COL14A1: variants seen among roughly 807,000 people sequenced by gnomAD.
COL14A1 encodes the protein collagen type XIV alpha 1 chain.
In COL14A1, 136 loss-of-function variants were observed where a neutral mutation model predicts 230.3. The ratio of observed to expected loss-of-function variants is 0.59; its 90% CI spans 0.51 to 0.68. The LOEUF (loss-of-function observed/expected upper bound fraction) is 0.68. Ranked by LOEUF, COL14A1 falls within the 30% of genes least tolerant of loss-of-function variation. COL14A1 has a pLI of 0.00. For synonymous variants in COL14A1, 792 were observed against 784.1 expected, an observed-to-expected ratio of 1.01 and a Z score of -0.17; for missense variants, 1,976 against 2,215.8, an observed-to-expected ratio of 0.89 and a Z score of 2.17.
At chr8:120,131,392 T>G (rs1480573865) in intron 1 of COL14A1, among the ~76,000 whole-genome samples, 1 of 151,366 alleles carries the variant, frequency 6.6e-6, no homozygotes, top group Non-Finnish European at 1.5e-5. Context: ...GACTTTTTAA[T>G]GATAGCCATT....
chr8:120,227,639 C>T (rs951918187), intron 17 of COL14A1, among the ~76,000 whole-genome samples: 3 of 152,016 alleles, frequency 2.0e-5, no homozygotes, highest in Admixed American at 2.0e-4. Flanking sequence ...AGAGTAAACA[C>T]CCATCAAATG....
intron 40 of COL14A1, among the ~76,000 whole-genome samples, chr8:120,321,751 G>A (rs767543194): frequency 2.6e-4 from 39 of 152,032 alleles, no homozygotes; most frequent in Non-Finnish European, 4.6e-4. Flanking sequence ...CTTCAGCGTC[G>A]GCACTTGCAT....
intron 45 of COL14A1, among the ~76,000 whole-genome samples, chr8:120,365,507 G>GTAA (rs1823380318): frequency 1.3e-5 from 2 of 152,328 alleles, no homozygotes; most frequent in South Asian, 4.1e-4. Context: ...ACTGACAAGT[G>GTAA]AAGTAGTGCC....
chr8:120,238,957 A>G lies in COL14A1; in HGVS notation c.2350-4922A>G, dbSNP rs191578256. On this transcript the variant is annotated intron_variant, in intron 19 of 47. Coordinates refer to ENST00000297848, the MANE Select transcript of COL14A1 (RefSeq NM_021110.4). Reference sequence around the variant, plus strand: ...TGCACCCACTGTCTAACCAGTCCCAATGAGATGAACCCGGTACCTCAGTTG... The same window carrying G: ...TGCACCCACTGTCTAACCAGTCCCAGTGAGATGAACCCGGTACCTCAGTTG... Among the ~76,000 whole-genome samples the G allele has an allele frequency of 9.1e-4, 138 of 152,246 alleles. 1 individual carries two copies. Among genetic ancestry groups the G allele is most frequent in the Non-Finnish European group, 7.9e-4 (54 of 68,012 alleles).
chr8:120,196,910 A>G lies in COL14A1; in HGVS notation c.556A>G (p.Thr186Ala). The G allele has an allele frequency of 6.2e-7, 1 of 1,614,086 alleles. No individual in the cohort carries two copies. The highest frequency in any genetic ancestry group is 8.5e-7 in the Non-Finnish European group (1 of 1,179,984). Residue 186 changes from threonine (T) to alanine (A), a missense_variant, in exon 6 of 48, where the codon ACA becomes GCA. Around this residue, in one of 3 missense-constraint regions of COL14A1, gnomAD observed 1,791 missense variants for 2,019.5 expected, o/e 0.89. Coordinates refer to ENST00000297848, the MANE Select transcript of COL14A1 (RefSeq NM_021110.4). ...TCGGCATTTCTTGGAAAACCTGGTT[A>G]CAGCATTCGATGTGGGCTCAGAGAA... ...LVRHFLENLV[T>A]AFDVGSEKTR...
chr8:120,208,147 T>C (rs1285275193), intron 10 of COL14A1, 85 bp from the exon 11 acceptor site: 1 of 1,315,480 alleles, frequency 7.6e-7, no homozygotes, highest in Non-Finnish European at 1.0e-6. Flanking sequence ...TGAAATATTT[T>C]TGCTGGACGT....
chr8:120,365,804 C>T (rs1047040043), intron 45 of COL14A1, among the ~76,000 whole-genome samples: 3 of 152,180 alleles, frequency 2.0e-5, no homozygotes, highest in Non-Finnish European at 2.9e-5. Context: ...CTTTTGTAAG[C>T]TCAGATAGCA....
intron 1 of COL14A1, among the ~76,000 whole-genome samples, chr8:120,143,616 G>A (rs929237745): frequency 6.6e-6 from 1 of 152,100 alleles, no homozygotes; most frequent in Non-Finnish European, 1.5e-5. Flanking sequence ...GGGCAACAGA[G>A]CGAGACTCCA....
At chr8:120,340,109 AGTGTGT>A (rs10665249) in intron 42 of COL14A1, among the ~76,000 whole-genome samples, 7 of 144,018 alleles carry the variant, frequency 4.9e-5, no homozygotes, top group Admixed American at 1.4e-4. Flanking sequence ...TGAGTGAGTG[AGTGTGT>A]GTGTGTGTGT....
intron 25 of COL14A1, among the ~76,000 whole-genome samples, chr8:120,268,789 TACTA>T (rs1465598971): frequency 1.3e-5 from 2 of 151,802 alleles, no homozygotes; most frequent in Non-Finnish European, 3.0e-5. Flanking sequence ...TTCTTTGATT[TACTA>T]ACTATTCATT....
rs371465424 is a variant in COL14A1, at chr8:120,147,934, A to G, written c.88+4A>G. ...TGCACCATTGTCCAAGGTCAAGGTA[A>G]TTGAAAACTTTGAGAATCAGTAGGG... On this transcript the variant is annotated splice_donor_region_variant and intron_variant, in intron 2 of 47. Coordinates refer to ENST00000297848, the MANE Select transcript of COL14A1 (RefSeq NM_021110.4). 4.3e-6 allele frequency: 7 copies of G among 1,609,454 alleles called. No homozygotes were observed. Among genetic ancestry groups the G allele is most frequent in the Non-Finnish European group, 6.0e-6 (7 of 1,176,296 alleles).
chr8:120,176,243 A>T (rs1440130343), intron 5 of COL14A1, among the ~76,000 whole-genome samples: 1 of 152,262 alleles, frequency 6.6e-6, no homozygotes, highest in Non-Finnish European at 1.5e-5. Flanking sequence ...TCAAGCACTG[A>T]ATTAGTTTCT....
At chr8:120,280,886 T>G in intron 30 of COL14A1, 35 bp from the exon 31 acceptor site, 4 of 1,501,538 alleles carry the variant, frequency 2.7e-6, no homozygotes, top group East Asian at 2.3e-5. Flanking sequence ...ATATTCCTTA[T>G]GTTTATTCTT....
chr8:120,247,880 T>C, intron 21 of COL14A1, 145 bp downstream of exon 21: 1 of 1,008,434 alleles, frequency 9.9e-7, no homozygotes, highest in Non-Finnish European at 1.4e-6. Flanking sequence ...TTTGGAAAAA[T>C]AAAGTGTTTT....
chr8:120,191,323 A>C (rs889963591), intron 5 of COL14A1, among the ~76,000 whole-genome samples: 3 of 152,110 alleles, frequency 2.0e-5, no homozygotes, highest in African/African-American at 4.8e-5. Flanking sequence ...ATTCAGGAGC[A>C]GGTTGTTCAG....
At chr8:120,341,134 T>G (rs1481528969) in intron 42 of COL14A1, among the ~76,000 whole-genome samples, 191 bp from the exon 43 acceptor site, 1 of 152,224 alleles carries the variant, frequency 6.6e-6, no homozygotes, top group Admixed American at 6.5e-5. Context: ...AAGGGTAGAA[T>G]GCTTAACAGA....
chr8:120,234,861 T>C (rs754275813), intron 19 of COL14A1, among the ~76,000 whole-genome samples: 2 of 152,198 alleles, frequency 1.3e-5, no homozygotes, highest in Non-Finnish European at 2.9e-5. Flanking sequence ...TCTTTTTCTA[T>C]TGCTTCGAAT....
chr8:120,307,329 A>C (rs899256498), intron 36 of COL14A1, among the ~76,000 whole-genome samples: 1 of 152,236 alleles, frequency 6.6e-6, no homozygotes, highest in Non-Finnish European at 1.5e-5. Flanking sequence ...GATATATGGC[A>C]CTTGATAGTG....
At position 120,227,275 on chromosome 8, in the gene COL14A1, C is replaced by T. The variant is rs1459900527; in HGVS notation, c.2060C>T (p.Thr687Met). The T allele has an allele frequency of 1.1e-5, 17 of 1,613,844 alleles. No individual in the cohort carries two copies. Among genetic ancestry groups the T allele is most frequent in the African/African-American group, 2.7e-5 (2 of 74,858 alleles). ...GTTATTGAAGGCCTGGAGCCCGGTACGGAGTATGAAGTTTCACTATTGGCC... is the reference window on the plus strand; with the variant it reads ...GTTATTGAAGGCCTGGAGCCCGGTATGGAGTATGAAGTTTCACTATTGGCC... ...SHVIEGLEPG[T>M]EYEVSLLAVL... is the part of the protein sequence containing the mutation. The change falls in exon 17 of 48, where the codon ACG becomes ATG. Residue 687 changes from threonine (T) to methionine (M), a missense_variant. Coordinates refer to ENST00000297848, the MANE Select transcript of COL14A1 (RefSeq NM_021110.4).
Sources: allele counts gnomAD v4.1 joint callset (sites outside exome capture counted in the v4.1 genomes callset), GRCh38; gene constraint gnomAD v4.1.1; regional missense constraint gnomAD v4.1.1; transcripts MANE v1.5; gene names NCBI Gene and HGNC (gene_info 2026-07-23, HGNC 2026-07-21).